SPATA18: variants seen among roughly 807,000 people sequenced by gnomAD.
SPATA18 encodes the protein mitochondria-eating protein.
In SPATA18, 54 loss-of-function variants were observed where a neutral mutation model predicts 68.1. That is an observed-to-expected ratio of 0.79 (90% CI 0.64 to 0.99). The LOEUF (loss-of-function observed/expected upper bound fraction) is 0.99. SPATA18 is among the 50% of genes least tolerant of loss of function. The pLI is 0.00. For synonymous variants in SPATA18, 242 were observed against 244.8 expected, an observed-to-expected ratio of 0.99 and a Z score of 0.11; for missense variants, 724 against 681.1, an observed-to-expected ratio of 1.06 and a Z score of -0.70.
At chr4:52,082,803 C>A (rs1469067909) in intron 10 of SPATA18, 2 of 1,212,972 alleles carry the variant, frequency 1.6e-6, no homozygotes, top group Non-Finnish European at 2.1e-6. Flanking sequence ...AAAAACAAAG[C>A]CCTTTGAAGT....
At chr4:52,061,016 A>G (rs949037776) in intron 3 of SPATA18, 119 bp downstream of exon 3, 5 of 771,436 alleles carry the variant, frequency 6.5e-6, no homozygotes, top group East Asian at 2.7e-5. Flanking sequence ...ACAATTTGTG[A>G]TGGATATTGG....
At chr4:52,075,232 T>C (rs1740230500) in intron 6 of SPATA18, among the ~76,000 whole-genome samples, 1 of 152,170 alleles carries the variant, frequency 6.6e-6, no homozygotes, top group Non-Finnish European at 1.5e-5. Context: ...TTCTCTAGTG[T>C]CCTGGATTTC....
At chr4:52,063,520 T>C (rs1739068355) in intron 4 of SPATA18, among the ~76,000 whole-genome samples, 1 of 152,194 alleles carries the variant, frequency 6.6e-6, no homozygotes, top group Admixed American at 6.5e-5. Context: ...ATATATAATT[T>C]ATTTCAACCA....
At position 52,076,925 on chromosome 4, in the gene SPATA18, T is replaced by C. The variant is rs774687262; in HGVS notation, c.905T>C (p.Leu302Pro). The C allele has an allele frequency of 6.2e-7, 1 of 1,614,176 alleles. No individual in the cohort carries two copies. Among genetic ancestry groups the C allele is most frequent in the South Asian group, 1.1e-5 (1 of 91,082 alleles). Residue 302 changes from leucine to proline, a missense_variant, in exon 7 of 13, where the codon CTC becomes CCC. Physicochemically the swap from Leu to Pro is moderately conservative, Grantham distance 98. Transcript: ENST00000295213. ...TCCAATGTGGCGCGCAAGGCTGCCC[T>C]CTTGTCCCGGTTCAGCGATTCCTAT... is the stretch of plus-strand genomic sequence containing the variant. The part of the protein sequence containing the change: ...KLSNVARKAA[L>P]LSRFSDSYSQ...
Position 52,084,904 on chromosome 4 carries a change from C to T in SPATA18, c.1480-12C>T, listed in dbSNP as rs1200597972. 6.2e-7 allele frequency: 1 copy of T among 1,613,692 alleles called. No homozygotes were observed. Among genetic ancestry groups the T allele is most frequent in the Non-Finnish European group, 8.5e-7 (1 of 1,179,710 alleles). ...CCTGACTATGTCTCTCTCTTTCTCT[C>T]TCTTTTTTAAGTGGAATTCGGTGCG... On this transcript the variant is annotated splice_polypyrimidine_tract_variant and intron_variant, in intron 10 of 12. Transcript: ENST00000295213.
At chr4:52,092,559 A>G (rs1188491482) in intron 11 of SPATA18, among the ~76,000 whole-genome samples, 5 of 152,138 alleles carry the variant, frequency 3.3e-5, no homozygotes, top group South Asian at 2.1e-4. Context: ...ACCAGTTCCA[A>G]TGAGATGAAC....
chr4:52,093,700 G>A (rs539443055), intron 11 of SPATA18, among the ~76,000 whole-genome samples: 2 of 152,064 alleles, frequency 1.3e-5, no homozygotes, highest in Admixed American at 6.6e-5. Context: ...TTGTAACTCC[G>A]GACTCCCATC....
chr4:52,062,691 G>A (rs1560585778), intron 4 of SPATA18, among the ~76,000 whole-genome samples: 1 of 151,908 alleles, frequency 6.6e-6, no homozygotes, highest in Non-Finnish European at 1.5e-5. Context: ...TTAAAAAGAT[G>A]TGAAAGGGAA....
At chr4:52,064,185 A>C (rs988786456) in intron 4 of SPATA18, among the ~76,000 whole-genome samples, 10 of 147,822 alleles carry the variant, frequency 6.8e-5, no homozygotes, top group African/African-American at 2.5e-4. Flanking sequence ...TTCTCTTTCT[A>C]TATATATATA....
rs189235429 is a variant in SPATA18 at position 52,079,418 on chromosome 4, A to G, written c.1180-326A>G. Among the ~76,000 whole-genome samples the G allele has an allele frequency of 5.3e-5, 8 of 152,366 alleles. No homozygotes were observed. The East Asian group carries it at 9.6e-4, about 18-fold the overall frequency. ...GATTGTTATGGATTATGAACAATTCAGAGTTCTGTGTTGGCACATCATACC... is the reference window on the plus strand; with the variant it reads ...GATTGTTATGGATTATGAACAATTCGGAGTTCTGTGTTGGCACATCATACC... On this transcript the variant is annotated intron_variant, in intron 8 of 12. Coordinates refer to ENST00000295213, the MANE Select transcript of SPATA18 (RefSeq NM_145263.4).
At chr4:52,085,079 GAGGTGATTATA>G in intron 11 of SPATA18, 80 bp downstream of exon 11, 1 of 1,149,174 alleles carries the variant, frequency 8.7e-7, no homozygotes, top group Non-Finnish European at 1.3e-6. Context: ...CAATACAAAA[GAGGTGATTATA>G]AGTCTACAGG....
Position 52,071,997 on chromosome 4 carries a change from C to T in SPATA18, c.599C>T (p.Pro200Leu). ...AGCTCAGAGAATAGGCGGTCAGAGC[C>T]TTGGAGCTTGGAGGAGCGGAAGCGT... ...QRSSENRRSE[P>L]WSLEERKREQ... The change falls in exon 6 of 13, where the codon CCT (proline) becomes CTT (leucine). Residue 200 changes from proline to leucine, a missense_variant. By Grantham distance (98) the Pro-to-Leu change is moderately conservative. Coordinates refer to ENST00000295213, the MANE Select transcript of SPATA18 (RefSeq NM_145263.4). 1 of 1,613,956 alleles carries T rather than the reference C, an allele frequency of 6.2e-7. No homozygotes were observed. The highest frequency in any genetic ancestry group is 8.5e-7 in the Non-Finnish European group (1 of 1,180,010).
At chr4:52,083,093 TAAA>T (rs138198011) in intron 10 of SPATA18, 961,248 of 985,096 alleles carry the variant, frequency 0.98, 472,921 homozygotes, top group East Asian at 1. Context: ...GAACAGCCTT[TAAA>T]AAAAAGGAGT....
At chr4:52,087,021 G>C (rs945889726) in intron 11 of SPATA18, among the ~76,000 whole-genome samples, 3 of 152,186 alleles carry the variant, frequency 2.0e-5, no homozygotes, top group Non-Finnish European at 4.4e-5. Context: ...GACCAGTGAT[G>C]ATGAGCATTT....
chr4:52,094,158 G>A (rs1742222961), intron 11 of SPATA18, among the ~76,000 whole-genome samples: 1 of 152,106 alleles, frequency 6.6e-6, no homozygotes, highest in South Asian at 2.1e-4. Flanking sequence ...TGGTTGCCTG[G>A]TGACCCTTCT....
chr4:52,051,888 T>C (rs1737908949), intron 1 of SPATA18, 97 bp downstream of exon 1: 4 of 1,136,656 alleles, frequency 3.5e-6, no homozygotes, highest in Admixed American at 1.8e-5. Flanking sequence ...GTGGCCACTT[T>C]GCAAAGCCTC....
intron 11 of SPATA18, 98 bp from the exon 12 acceptor site, chr4:52,094,429 C>T (rs1742250628): frequency 7.2e-6 from 8 of 1,108,834 alleles, no homozygotes; most frequent in South Asian, 6.5e-5. Flanking sequence ...TCAGAGAAAG[C>T]TATTTGGTTG....
chr4:52,094,839 G>T (rs776537069), intron 12 of SPATA18, 41 bp from the exon 13 acceptor site: 2 of 1,613,350 alleles, frequency 1.2e-6, no homozygotes, highest in Non-Finnish European at 1.7e-6. Flanking sequence ...GAAAATCGAA[G>T]AAAGTGACCA....
chr4:52,084,972 C>T lies in SPATA18; in HGVS notation c.1536C>T (p.Cys512=), dbSNP rs150486206. The stretch of plus-strand genomic sequence containing the variant: ...GAAGCAGGAGTTTAAGTCCCATTTG[C>T]CCCCGTAGCCAAATTGGTTTAAACA... ...RCRSRSLSPI[C]PRSQIGLNTM... The change falls in exon 11 of 13, where the codon TGC becomes TGT. Residue 512 remains cysteine, a synonymous_variant. Coordinates refer to ENST00000295213, the MANE Select transcript of SPATA18 (RefSeq NM_145263.4). 6.2e-6 allele frequency: 10 copies of T among 1,613,588 alleles called. No homozygotes were observed. In the African/African-American group the frequency reaches 1.2e-4, roughly 19 times the overall value.
Sources: gnomAD v4.1 joint callset for allele counts (sites outside exome capture counted in the v4.1 genomes callset) on GRCh38, gnomAD v4.1.1 for gene constraint, MANE v1.5 for transcripts, NCBI Gene and HGNC (gene_info 2026-07-23, HGNC 2026-07-21) for gene names.